The following SERTAD2 variants were observed in gnomAD, a reference collection of about 807,000 sequenced individuals.
SERTAD2 encodes the protein SERTA domain containing 2.
Under a neutral mutation model 15.4 loss-of-function variants are expected in SERTAD2, and 2 were observed. The observed-to-expected ratio is 0.13, with a 90% confidence interval of 0.05 to 0.41. The LOEUF is 0.41. Among genes scored for constraint, SERTAD2 ranks in the 10% least tolerant of loss-of-function variants. The pLI, the probability that SERTAD2 is intolerant of heterozygous loss-of-function variation, is 0.99. For synonymous variants in SERTAD2, 180 were observed against 178.0 expected, an observed-to-expected ratio of 1.01 and a Z score of -0.09; for missense variants, 333 against 409.7, an observed-to-expected ratio of 0.81 and a Z score of 1.62.
chr2:64,637,951 C>A (rs1043123829), intron 1 of SERTAD2, among the ~76,000 whole-genome samples: 1 of 152,220 alleles, frequency 6.6e-6, no homozygotes, highest in Non-Finnish European at 1.5e-5. Flanking sequence ...CCTTTCAGAA[C>A]TTCTACTGTC....
At chr2:64,637,928 A>G (rs73934564) in intron 1 of SERTAD2, among the ~76,000 whole-genome samples, 11 of 152,376 alleles carry the variant, frequency 7.2e-5, no homozygotes, top group African/African-American at 2.4e-4. Flanking sequence ...ATCATGTGAC[A>G]TCGTCACAAC....
intron 1 of SERTAD2, among the ~76,000 whole-genome samples, chr2:64,640,283 G>C (rs1323976267): frequency 6.6e-6 from 1 of 152,266 alleles, no homozygotes; most frequent in Admixed American, 6.5e-5. Context: ...AGGGCAGTGG[G>C]AACTCTCACT....
chr2:64,651,661 C>G (rs1260840977), intron 1 of SERTAD2, among the ~76,000 whole-genome samples: 1 of 152,168 alleles, frequency 6.6e-6, no homozygotes, highest in East Asian at 1.9e-4. Flanking sequence ...TAAAGAGGGA[C>G]AATTCAGCAA....
At chr2:64,645,392 G>C (rs201868894) in intron 1 of SERTAD2, among the ~76,000 whole-genome samples, 5 of 149,676 alleles carry the variant, frequency 3.3e-5, no homozygotes, top group Non-Finnish European at 4.4e-5. Flanking sequence ...AGAAGAAGAA[G>C]AAAAAAAAAG....
intron 1 of SERTAD2, among the ~76,000 whole-genome samples, chr2:64,651,401 T>C (rs1390524691): frequency 1.3e-5 from 2 of 152,374 alleles, no homozygotes; most frequent in Admixed American, 6.5e-5. Context: ...ACTGCCTTCA[T>C]ACGTTTTGTA....
At chr2:64,643,860 C>T (rs796620664) in intron 1 of SERTAD2, among the ~76,000 whole-genome samples, 2 of 144,220 alleles carry the variant, frequency 1.4e-5, no homozygotes, top group Non-Finnish European at 3.1e-5. Flanking sequence ...AGTAAAACTC[C>T]GTCTCCAAAA....
chr2:64,643,963 T>C (rs572585978), intron 1 of SERTAD2, among the ~76,000 whole-genome samples: 20 of 152,232 alleles, frequency 1.3e-4, no homozygotes, highest in African/African-American at 4.8e-4. Context: ...TGACCACTGG[T>C]TGCTGACAAG....
intron 1 of SERTAD2, among the ~76,000 whole-genome samples, chr2:64,641,240 G>A (rs1475112205): frequency 6.6e-6 from 1 of 152,154 alleles, no homozygotes; most frequent in Non-Finnish European, 1.5e-5. Context: ...AGTAACAAAT[G>A]TCACTAGAAG....
rs1421585504 is a variant in SERTAD2 at position 64,632,712 on chromosome 2, A to G, written c.*3215T>C. On this transcript the variant is annotated 3_prime_UTR_variant, in exon 2 of 2. Coordinates refer to ENST00000313349, the MANE Select transcript of SERTAD2 (RefSeq NM_014755.3). Reference sequence around the variant, plus strand: ...AAAAATGAATGCGGACTGTGCATACAATGAGAAGACCTGGGGGCCTGGCTT... The same window carrying G: ...AAAAATGAATGCGGACTGTGCATACGATGAGAAGACCTGGGGGCCTGGCTT... 1 of 152,670 alleles carries G rather than the reference A, an allele frequency of 6.6e-6. No individual in the cohort carries two copies. The highest frequency in any genetic ancestry group is 1.9e-4 in the East Asian group (1 of 5,202). The allele number at this position is 152,670 out of a possible 1,614,324, so 9.5% of individuals were successfully genotyped here. A position where few individuals can be genotyped will look rare whatever the true frequency, so the allele number is the denominator to read the frequency against.
intron 1 of SERTAD2, 67 bp from the exon 2 acceptor site, chr2:64,636,942 G>C: frequency 8.4e-7 from 1 of 1,184,482 alleles, no homozygotes. Context: ...TAAAAAAAGA[G>C]ACTGATTTAG....
intron 1 of SERTAD2, among the ~76,000 whole-genome samples, chr2:64,642,613 T>C (rs1306925226): frequency 6.6e-6 from 1 of 152,204 alleles, no homozygotes; most frequent in Non-Finnish European, 1.5e-5. Context: ...AAACTACCAC[T>C]TCTGTCATCC....
At chr2:64,649,649 A>G (rs1329531943) in intron 1 of SERTAD2, among the ~76,000 whole-genome samples, 6 of 152,246 alleles carry the variant, frequency 3.9e-5, no homozygotes, top group Non-Finnish European at 1.5e-5. Context: ...TAAAGTGACA[A>G]AAAAGATAGT....
chr2:64,645,374 A>G (rs1219615746), intron 1 of SERTAD2, among the ~76,000 whole-genome samples: 1 of 115,500 alleles, frequency 8.7e-6, no homozygotes, highest in Non-Finnish European at 1.8e-5. Flanking sequence ...CTTTCTTGAC[A>G]GTGAAGAAGA....
Position 64,636,587 on chromosome 2 carries a change from C to G in SERTAD2, c.285G>C (p.Glu95Asp). The change falls in exon 2 of 2, where the codon GAG becomes GAC. Residue 95 changes from glutamate to aspartate, a missense_variant. Around this residue, in one of 2 missense-constraint regions of SERTAD2, gnomAD observed 332 missense variants for 392.9 expected, o/e 0.84. Transcript: ENST00000313349. ...GGGCCTCTCGGTAGCTGTCGCTGGG[C>G]TCGGTGGTGGGCTGGGAGGAGGGGG... ...MFTPSSQPTT[E>D]PSDSYREAPP... 6.2e-7 allele frequency: 1 copy of G among 1,601,648 alleles called. No homozygotes were observed. The highest frequency in any genetic ancestry group is 1.1e-5 in the South Asian group (1 of 89,884).
chr2:64,644,868 A>ACAAC (rs1382437313), intron 1 of SERTAD2: 1 of 152,278 alleles, frequency 6.6e-6, no homozygotes, highest in Non-Finnish European at 1.5e-5. Flanking sequence ...CAAACAGCAA[A>ACAAC]AGCAAACCTG....
rs961494830 is a variant in SERTAD2 at position 64,636,895 on chromosome 2, G to C, written c.-4-20C>G. ...ATATATCTGCAGAGGGGAGAGAGAG[G>C]AAATGGCATTAATCACATGAAAGCT... On this transcript the variant is annotated intron_variant, in intron 1 of 1. Transcript: ENST00000313349. The C allele has an allele frequency of 9.9e-6, 15 of 1,521,044 alleles. No individual in the cohort carries two copies. The highest frequency in any genetic ancestry group is 1.4e-5 in the African/African-American group (1 of 72,556). The allele number at this position is 1,521,044 out of a possible 1,614,324, so 94.2% of individuals were successfully genotyped here. A position where few individuals can be genotyped will look rare whatever the true frequency, so the allele number is the denominator to read the frequency against.
In SERTAD2 at chr2:64,636,372, T is replaced by A. The variant is rs1295947946; in HGVS notation, c.500A>T (p.Asp167Val). 6.2e-7 allele frequency: 1 copy of A among 1,614,126 alleles called. No homozygotes were observed. Among genetic ancestry groups the A allele is most frequent in the Non-Finnish European group, 8.5e-7 (1 of 1,180,014 alleles). ...LSPPALLPEK[D>V]SFSSALDEIE... Reference sequence around the variant, plus strand: ...CTCGTCCAAGGCAGAGGAGAAACTGTCCTTTTCTGGCAAGAGGGCTGGAGG... The same window carrying A: ...CTCGTCCAAGGCAGAGGAGAAACTGACCTTTTCTGGCAAGAGGGCTGGAGG... Residue 167 changes from aspartate to valine, a missense_variant, in exon 2 of 2, where the codon GAC becomes GTC. By Grantham distance (152) the Asp-to-Val change is radical (BLOSUM62 -3). This residue lies in a region of SERTAD2 where 332 missense variants were observed against 392.9 expected (regional missense o/e 0.84). Coordinates refer to ENST00000313349, the MANE Select transcript of SERTAD2 (RefSeq NM_014755.3).
rs1674569964 is a variant in SERTAD2, at chr2:64,632,983, T to G, written c.*2944A>C. ...ATAACTGTCCTCTCCCAGCCCCAGCTCGGTTTTCTCGTAAAGGCACCTCAA... is the reference window on the plus strand; with the variant it reads ...ATAACTGTCCTCTCCCAGCCCCAGCGCGGTTTTCTCGTAAAGGCACCTCAA... On this transcript the variant is annotated 3_prime_UTR_variant, in exon 2 of 2. Coordinates refer to ENST00000313349, the MANE Select transcript of SERTAD2 (RefSeq NM_014755.3). The G allele has an allele frequency of 6.6e-6, 1 of 152,610 alleles. No individual in the cohort carries two copies. The highest frequency in any genetic ancestry group is 1.5e-5 in the Non-Finnish European group (1 of 68,052). The allele number at this position is 152,610 out of a possible 1,614,324, so 9.5% of individuals were successfully genotyped here.
Position 64,635,112 on chromosome 2 carries a change from C to T in SERTAD2, c.*815G>A, listed in dbSNP as rs1674628932. On this transcript the variant is annotated 3_prime_UTR_variant, in exon 2 of 2. Coordinates refer to ENST00000313349, the MANE Select transcript of SERTAD2 (RefSeq NM_014755.3). ...TATCACCTGGCCCTTTCTTAAAGCA[C>T]TGTGTGTGTGTTTATGGGTGTGTGC... 6.6e-6 allele frequency: 1 copy of T among 152,600 alleles called. No individual in the cohort carries two copies. Among genetic ancestry groups the T allele is most frequent in the Non-Finnish European group, 1.5e-5 (1 of 68,030 alleles). The allele number at this position is 152,600 out of a possible 1,614,324, so 9.5% of individuals were successfully genotyped here.
Sources: gnomAD v4.1 joint callset for allele counts (sites outside exome capture counted in the v4.1 genomes callset) on GRCh38, gnomAD v4.1.1 for gene constraint, gnomAD v4.1.1 regional missense constraint, MANE v1.5 for transcripts, NCBI Gene and HGNC (gene_info 2026-07-23, HGNC 2026-07-21) for gene names.